DPP6: variants seen among roughly 807,000 people sequenced by gnomAD.
DPP6 encodes dipeptidyl peptidase like 6.
A neutral mutation model predicts 122.6 loss-of-function variants in DPP6; 69 were observed. The ratio of observed to expected loss-of-function variants is 0.56; its 90% confidence interval spans 0.46 to 0.69. DPP6 has a LOEUF of 0.69. Ranked by LOEUF, DPP6 falls within the 30% of genes least tolerant of loss-of-function variation. The probability of loss-of-function intolerance (pLI) is 0.00; values close to 1 mark genes in which losing one functional copy is unlikely to be tolerated. For missense variants in DPP6, 928 were observed against 1,116.9 expected (o/e 0.83, Z 2.41); for synonymous variants, 418 against 433.1 (o/e 0.97, Z 0.43).
In DPP6 at chr7:154,214,516, G is replaced by A. The variant is rs1160223363; in HGVS notation, c.243+161453G>A. ...AGTTGGGCACACTTGGGTTCAAAGA[G>A]CACCACCTCCAAACGCCACCTTGCC... On this transcript the variant is annotated intron_variant, in intron 1 of 25. Transcript: ENST00000377770. Among the ~76,000 whole-genome samples, 4 of 152,308 alleles carry A rather than the reference G, an allele frequency of 2.6e-5. No individual in the cohort carries two copies. The East Asian group carries it at 7.7e-4, about 29-fold the overall frequency.
intron 5 of DPP6, among the ~76,000 whole-genome samples, chr7:154,632,183 T>C (rs1563037390): frequency 6.6e-6 from 1 of 152,236 alleles, no homozygotes; most frequent in Non-Finnish European, 1.5e-5. Context: ...GAGTAGGTTA[T>C]GGTCTGTTTA....
Position 154,129,044 on chromosome 7 carries a change from C to A in DPP6, c.243+75981C>A, listed in dbSNP as rs3115117. ...ATAACATCTCCATCAGAGATTCTTA[C>A]AAACCCACCACCCCCCGACACACCC... is the stretch of plus-strand genomic sequence containing the variant. On this transcript the variant is annotated intron_variant, in intron 1 of 25. Coordinates refer to ENST00000377770, the MANE Select transcript of DPP6 (RefSeq NM_130797.4). Among the ~76,000 whole-genome samples the A allele has an allele frequency of 1.5e-4, 23 of 152,250 alleles. 1 individual carries two copies. The highest frequency in any genetic ancestry group is 7.2e-4 in the Admixed American group (11 of 15,290).
At chr7:154,312,782 A>G (rs1807023485) in intron 1 of DPP6, among the ~76,000 whole-genome samples, 1 of 152,196 alleles carries the variant, frequency 6.6e-6, no homozygotes, top group East Asian at 1.9e-4. Context: ...ATTCTCTTAA[A>G]AAGGATTGGT....
chr7:154,324,883 TG>T (rs1378624770), intron 1 of DPP6, among the ~76,000 whole-genome samples: 2 of 147,742 alleles, frequency 1.4e-5, no homozygotes, highest in Non-Finnish European at 3.0e-5. Flanking sequence ...TTTTTTTTTT[TG>T]AGTCTTGCTC....
intron 7 of DPP6, among the ~76,000 whole-genome samples, chr7:154,725,804 T>C (rs1842037058): frequency 6.6e-6 from 1 of 152,144 alleles, no homozygotes; most frequent in Non-Finnish European, 1.5e-5. Flanking sequence ...CAAGGCAAGT[T>C]TTTTCTGCCT....
Position 154,346,935 on chromosome 7 carries a change from C to T in DPP6, c.244-99279C>T, listed in dbSNP as rs186102973. ...ATAATGTTTTCCATTTTCTATTTTT[C>T]CTTTCATGTAGTTCTACTCTAGAGA... is the stretch of plus-strand genomic sequence containing the variant. On this transcript the variant is annotated intron_variant, in intron 1 of 25. Coordinates refer to ENST00000377770, the MANE Select transcript of DPP6 (RefSeq NM_130797.4). Among the ~76,000 whole-genome samples the T allele has an allele frequency of 9.2e-5, 14 of 152,238 alleles. No individual in the cohort carries two copies. In the East Asian group the frequency reaches 1.9e-3, roughly 21 times the overall value.
At chr7:154,557,984 C>G (rs2130446851) in intron 4 of DPP6, among the ~76,000 whole-genome samples, 1 of 152,240 alleles carries the variant, frequency 6.6e-6, no homozygotes, top group East Asian at 1.9e-4. Context: ...TTCTGGGGTA[C>G]ATGTGCAGAA....
chr7:154,409,370 A>G (rs58224212), intron 1 of DPP6, among the ~76,000 whole-genome samples: 44 of 152,284 alleles, frequency 2.9e-4, no homozygotes, highest in Admixed American at 3.3e-4. Flanking sequence ...CGCAGATGAA[A>G]AGAGTCCTGC....
At chr7:153,979,543 T>C (rs1180258174) in intron 1 of DPP6, among the ~76,000 whole-genome samples, 7 of 152,262 alleles carry the variant, frequency 4.6e-5, no homozygotes, top group Admixed American at 1.3e-4. Context: ...TATTTCTTTC[T>C]CTTGCCTGAT....
chr7:154,428,872 G>A (rs1000922921), intron 1 of DPP6, among the ~76,000 whole-genome samples: 9 of 152,000 alleles, frequency 5.9e-5, no homozygotes, highest in Admixed American at 5.2e-4. Context: ...GGGGTATGAG[G>A]GATAAAAAGA....
At chr7:153,766,093 T>G in the DPP6 span, among the ~76,000 whole-genome samples, 1 of 152,256 alleles carries the variant, frequency 6.6e-6, no homozygotes, top group African/African-American at 2.4e-5. Context: ...ATGTACTAAA[T>G]AATACATTTT....
chr7:154,668,280 G>A (rs555483233), intron 6 of DPP6, among the ~76,000 whole-genome samples: 3 of 132,064 alleles, frequency 2.3e-5, no homozygotes, highest in South Asian at 5.4e-4. Flanking sequence ...CAGTGTAGTG[G>A]CATGATCTCC....
intron 1 of DPP6, among the ~76,000 whole-genome samples, chr7:154,112,185 G>GGTTGCAGTGAACTGAGATT: frequency 6.6e-6 from 1 of 152,118 alleles, no homozygotes; most frequent in Non-Finnish European, 1.5e-5. Context: ...CTGTTATGGT[G>GGTTGCAGTGAACTGAGATT]AAACCATCAC....
At chr7:153,974,598 C>G (rs1237862465) in intron 1 of DPP6, among the ~76,000 whole-genome samples, 1 of 152,130 alleles carries the variant, frequency 6.6e-6, no homozygotes, top group East Asian at 1.9e-4. Flanking sequence ...AGAAAATCTT[C>G]CACAATTCCT....
intron 1 of DPP6, among the ~76,000 whole-genome samples, chr7:153,958,359 G>T (rs185707036): frequency 6.6e-6 from 1 of 152,168 alleles, no homozygotes; most frequent in Admixed American, 6.5e-5. Flanking sequence ...CCCTCCACCC[G>T]AGCAGGTAGA....
chr7:154,326,356 G>C (rs1487465744), intron 1 of DPP6, among the ~76,000 whole-genome samples: 2 of 152,072 alleles, frequency 1.3e-5, no homozygotes, highest in East Asian at 3.9e-4. Context: ...ATGCGGTCGA[G>C]TCTTTTGTAT....
At chr7:154,860,731 G>A (rs1008093722) in intron 17 of DPP6, among the ~76,000 whole-genome samples, 8 of 152,328 alleles carry the variant, frequency 5.3e-5, no homozygotes, top group South Asian at 2.1e-4. Context: ...AGCAGCAGGC[G>A]ACTGGGTGGG....
At chr7:154,340,632 C>G (rs1056205671) in intron 1 of DPP6, among the ~76,000 whole-genome samples, 1 of 152,164 alleles carries the variant, frequency 6.6e-6, no homozygotes. Flanking sequence ...AAAAATACTT[C>G]CATTAATTTT....
chr7:153,852,831 G>A, the DPP6 span, among the ~76,000 whole-genome samples: 4 of 152,056 alleles, frequency 2.6e-5, no homozygotes, highest in African/African-American at 7.2e-5. Flanking sequence ...TTTCACACAC[G>A]AGTTAAGTAC....
Sources: allele counts gnomAD v4.1 joint callset (sites outside exome capture counted in the v4.1 genomes callset), GRCh38; gene constraint gnomAD v4.1.1; transcripts MANE v1.5; gene names NCBI Gene and HGNC (gene_info 2026-07-23, HGNC 2026-07-21).